SYNE4: variants seen among roughly 807,000 people sequenced by gnomAD.
SYNE4 encodes nesprin-4.
SYNE4 carries 41 observed loss-of-function variants against 46.9 expected under a neutral mutation model. That is an observed-to-expected ratio of 0.87 (90% confidence interval 0.68 to 1.13). SYNE4 has a LOEUF of 1.13. Ranked by LOEUF, SYNE4 falls within the 50% of genes most tolerant of loss-of-function variation. The pLI is 0.00. For missense variants in SYNE4, 492 were observed against 514.8 expected (o/e 0.96, Z 0.43); for synonymous variants, 221 against 219.5 (o/e 1.01, Z -0.06).
In SYNE4 at chr19:36,006,911, G is replaced by T. The variant is rs1213954408; in HGVS notation, c.457C>A (p.Arg153Ser). 1 of 1,553,556 alleles carries T rather than the reference G, an allele frequency of 6.4e-7. No individual in the cohort carries two copies. Among genetic ancestry groups the T allele is most frequent in the Admixed American group, 2.0e-5 (1 of 50,978 alleles). ...CCAAACGCTAGCAGCGCCTCCACACGCTCAGCTGCCCCTCGTAGGTCCACC... is the reference window on the plus strand; with the variant it reads ...CCAAACGCTAGCAGCGCCTCCACACTCTCAGCTGCCCCTCGTAGGTCCACC... Reference protein sequence around the residue: ...LQVDLRGAAERVEALLAFGEG... With the variant: ...LQVDLRGAAESVEALLAFGEG... The change falls in exon 4 of 8, where the codon CGT (arginine) becomes AGT (serine). Residue 153 changes from arginine (R) to serine (S), a missense_variant. Transcript: ENST00000324444.
chr19:36,004,739 G>A (rs950941755), intron 6 of SYNE4, among the ~76,000 whole-genome samples: 2 of 152,132 alleles, frequency 1.3e-5, no homozygotes, highest in African/African-American at 4.8e-5. Flanking sequence ...CCTTCCCCTG[G>A]GGTGGGTAAA....
At chr19:36,005,110 C>T (rs1209799871) in intron 6 of SYNE4, among the ~76,000 whole-genome samples, 2 of 152,002 alleles carry the variant, frequency 1.3e-5, no homozygotes, top group African/African-American at 4.8e-5. Flanking sequence ...TCAGGTAATC[C>T]ACCCACCTCA....
At chr19:36,007,469 T>A (rs1968401303) in intron 2 of SYNE4, 1 of 985,008 alleles carries the variant, frequency 1.0e-6, no homozygotes, top group Admixed American at 6.2e-5. Flanking sequence ...TAGTTCAAGG[T>A]CTCCAGGTTT....
intron 5 of SYNE4, 126 bp from the exon 6 acceptor site, chr19:36,005,563 AGAGAG>A: frequency 2.7e-6 from 2 of 737,852 alleles, no homozygotes; most frequent in South Asian, 3.5e-5. Flanking sequence ...AAAGAAACCA[AGAGAG>A]GAGAGAATTA....
intron 6 of SYNE4, among the ~76,000 whole-genome samples, chr19:36,004,845 C>T (rs1166418624): frequency 1.3e-5 from 2 of 151,098 alleles, no homozygotes; most frequent in African/African-American, 4.9e-5. Flanking sequence ...GGGACTGAGC[C>T]CTGATGTTAT....
Position 36,006,487 on chromosome 19 carries a change from G to A in SYNE4, c.803C>T (p.Thr268Ile). 1 of 1,611,934 alleles carries A rather than the reference G, an allele frequency of 6.2e-7. No individual in the cohort carries two copies. The highest frequency in any genetic ancestry group is 8.5e-7 in the Non-Finnish European group (1 of 1,179,078). Residue 268 changes from threonine (T) to isoleucine (I), a missense_variant, in exon 5 of 8, where the codon ACA (threonine) becomes ATA (isoleucine). By Grantham distance (89) the Thr-to-Ile change is moderately conservative. Transcript: ENST00000324444. Reference sequence around the variant, plus strand: ...ACACAGCTCACAGGGCACTCCTAGTGTCCGGGCTGTCTTTTGTCCCAAGGG... The same window carrying A: ...ACACAGCTCACAGGGCACTCCTAGTATCCGGGCTGTCTTTTGTCCCAAGGG... ...LGPLGQKTAR[T>I]LGVPCELCGQ...
At position 36,007,005 on chromosome 19, in the gene SYNE4, C is replaced by G. The variant is rs1968376460; in HGVS notation, c.424-61G>C. 2.6e-6 allele frequency: 4 copies of G among 1,531,238 alleles called. No homozygotes were observed. The Admixed American group carries it at 6.0e-5, about 23-fold the overall frequency. The allele number at this position is 1,531,238 out of a possible 1,614,324, so 94.9% of individuals were successfully genotyped here. A position where few individuals can be genotyped will look rare whatever the true frequency, so the allele number is the denominator to read the frequency against. ...AGGGACCCAAAACCTGGAGTTACCCCCCTCCCCCATTTCCTATCCAAAGGC... is the reference window on the plus strand; with the variant it reads ...AGGGACCCAAAACCTGGAGTTACCCGCCTCCCCCATTTCCTATCCAAAGGC... On this transcript the variant is annotated intron_variant, in intron 3 of 7. Coordinates refer to ENST00000324444, the MANE Select transcript of SYNE4 (RefSeq NM_001039876.3).
intron 5 of SYNE4, 140 bp downstream of exon 5, chr19:36,006,283 A>G: frequency 1.7e-6 from 2 of 1,158,302 alleles, no homozygotes; most frequent in South Asian, 1.8e-5. Flanking sequence ...AGTGAGATAG[A>G]AGGAGACACC....
intron 3 of SYNE4, 45 bp downstream of exon 3, chr19:36,007,080 T>C: frequency 6.3e-7 from 1 of 1,577,548 alleles, no homozygotes; most frequent in African/African-American, 1.4e-5. Context: ...TGGCACCCAC[T>C]GCTGGGGCCG....
intron 5 of SYNE4, chr19:36,006,140 C>A: frequency 2.5e-6 from 1 of 402,418 alleles, no homozygotes; most frequent in Non-Finnish European, 4.4e-6. Context: ...ACAGGCCTCC[C>A]TGAAGAGGTG....
Position 36,006,933 on chromosome 19 carries a change from C to T in SYNE4, c.435G>A (p.Val145=). The T allele has an allele frequency of 6.5e-7, 1 of 1,548,674 alleles. No homozygotes were observed. Among genetic ancestry groups the T allele is most frequent in the Non-Finnish European group, 8.7e-7 (1 of 1,146,064 alleles). Residue 145 remains valine (V), a synonymous_variant, in exon 4 of 8, where the codon GTG becomes GTA. Coordinates refer to ENST00000324444, the MANE Select transcript of SYNE4 (RefSeq NM_001039876.3). The part of the protein sequence containing the change: ...SGMVQLQALQ[V]DLRGAAERVE... ...CACGCTCAGCTGCCCCTCGTAGGTCCACCTGGAGGGCCTGGGGACATATGG... is the reference window on the plus strand; with the variant it reads ...CACGCTCAGCTGCCCCTCGTAGGTCTACCTGGAGGGCCTGGGGACATATGG...
Position 36,006,537 on chromosome 19 carries a change from C to T in SYNE4, c.753G>A (p.Pro251=), listed in dbSNP as rs556547320. The T allele has an allele frequency of 6.5e-5, 105 of 1,607,102 alleles. 1 individual carries two copies. In the South Asian group the frequency reaches 9.7e-4, roughly 15 times the overall value. ...LPTSTELEWD[P]AGDIGGLGPL... ...GCCCAAGGCCCCCAATGTCCCCCGC[C>T]GGATCCCACTCCAACTCTGTGGAAG... The change falls in exon 5 of 8, where the codon CCG becomes CCA. Residue 251 remains proline (P), a synonymous_variant. Coordinates refer to ENST00000324444, the MANE Select transcript of SYNE4 (RefSeq NM_001039876.3).
At chr19:36,006,306 T>G (rs1423585122) in intron 5 of SYNE4, 117 bp downstream of exon 5, 38 of 1,261,922 alleles carry the variant, frequency 3.0e-5, no homozygotes, top group South Asian at 1.2e-4. Context: ...GAGACAGAGA[T>G]AGAGGGGGAG....
chr19:36,005,157 T>C (rs186864460), intron 6 of SYNE4, among the ~76,000 whole-genome samples, 176 bp downstream of exon 6: 86 of 151,830 alleles, frequency 5.7e-4, no homozygotes, highest in African/African-American at 2.0e-3. Flanking sequence ...CGTGAGCCAC[T>C]GCGCCTGGCC....
Position 36,003,670 on chromosome 19 carries a change from T to G in SYNE4, c.974A>C (p.Asp325Ala), listed in dbSNP as rs1296372449. The change falls in exon 7 of 8, where the codon GAC becomes GCC. Residue 325 changes from aspartate to alanine, a missense_variant and splice_region_variant. Coordinates refer to ENST00000324444, the MANE Select transcript of SYNE4 (RefSeq NM_001039876.3). ...ATGAGGAGATGCTTGCCTCTTCTTGTCCTAAGGAGGGAGAGCAGCCAGCAG... is the reference window on the plus strand; with the variant it reads ...ATGAGGAGATGCTTGCCTCTTCTTGGCCTAAGGAGGGAGAGCAGCCAGCAG... ...QRHSLLRKPQ[D>A]KKRQASPHLQ... 1 of 1,612,540 alleles carries G rather than the reference T, an allele frequency of 6.2e-7. No homozygotes were observed. The highest frequency in any genetic ancestry group is 1.7e-5 in the Admixed American group (1 of 59,786).
At chr19:36,008,504 C>T (rs1219515681) in intron 1 of SYNE4, 50 bp downstream of exon 1, 2 of 1,611,398 alleles carry the variant, frequency 1.2e-6, no homozygotes, top group Non-Finnish European at 1.7e-6. Flanking sequence ...ATGGCCCCTG[C>T]CACCACGCCT....
Position 36,007,240 on chromosome 19 carries a change from T to C in SYNE4, c.308A>G (p.Glu103Gly), listed in dbSNP as rs1036326758. The stretch of plus-strand genomic sequence containing the variant: ...CAGGTGCAGGCTGTTCTGCTCAGCC[T>C]CTAGTACCTCCAGGCCAGAAATGGG... ...EHPISGLEVL[E>G]AEQNSLHLCL... The change falls in exon 3 of 8, where the codon GAG (glutamate) becomes GGG (glycine). Residue 103 changes from glutamate to glycine, a missense_variant. Physicochemically the swap from Glu to Gly is moderately conservative, Grantham distance 98. Coordinates refer to ENST00000324444, the MANE Select transcript of SYNE4 (RefSeq NM_001039876.3). 5.0e-6 allele frequency: 8 copies of C among 1,597,086 alleles called. No homozygotes were observed. In the African/African-American group the frequency reaches 1.1e-4, roughly 21 times the overall value.
chr19:36,004,256 T>C (rs1227924581), intron 6 of SYNE4, among the ~76,000 whole-genome samples: 1 of 152,162 alleles, frequency 6.6e-6, no homozygotes, highest in East Asian at 1.9e-4. Flanking sequence ...CTCCTGGCCT[T>C]AAGCAATCCT....
In SYNE4 at chr19:36,005,370, G is replaced by T. The variant is rs1976812967; in HGVS notation, c.935C>A (p.Ala312Glu). The T allele has an allele frequency of 6.2e-7, 1 of 1,614,112 alleles. No individual in the cohort carries two copies. The highest frequency in any genetic ancestry group is 8.5e-7 in the Non-Finnish European group (1 of 1,180,010). The change falls in exon 6 of 8, where the codon GCA becomes GAA. Residue 312 changes from alanine (A) to glutamate (E), a missense_variant. Physicochemically the swap from Ala to Glu is moderately radical, Grantham distance 107. Coordinates refer to ENST00000324444, the MANE Select transcript of SYNE4 (RefSeq NM_001039876.3). ...GAGCAGGGAGTGTCTTTGGTGACGT[G>T]CTAAGCGTTTCTGGTGGCCGAGGCC... ...ESGLGHQKRL[A>E]RHQRHSLLRK... is the part of the protein sequence containing the mutation.
Sources: allele counts gnomAD v4.1 joint callset (sites outside exome capture counted in the v4.1 genomes callset), GRCh38; gene constraint gnomAD v4.1.1; transcripts MANE v1.5; gene names NCBI Gene and HGNC (gene_info 2026-07-23, HGNC 2026-07-21).